Variants in MFAP3L observed in about 807,000 individuals in gnomAD.
MFAP3L encodes the protein microfibrillar-associated protein 3-like.
In MFAP3L, 5 loss-of-function variants were observed where a neutral mutation model predicts 20.0. The observed-to-expected ratio is 0.25, with a 90% CI of 0.13 to 0.53. The LOEUF (loss-of-function observed/expected upper bound fraction) is 0.53. Among genes scored for constraint, MFAP3L ranks in the 20% least tolerant of loss-of-function variants. The probability of loss-of-function intolerance (pLI) is 0.96; values close to 1 mark genes in which losing one functional copy is unlikely to be tolerated. For missense variants in MFAP3L, 409 were observed against 527.5 expected (o/e 0.78, Z 2.20); for synonymous variants, 219 against 213.0 (o/e 1.03, Z -0.25).
chr4:170,015,342 G>A (rs1739632155), intron 1 of MFAP3L, among the ~76,000 whole-genome samples: 1 of 152,116 alleles, frequency 6.6e-6, no homozygotes, highest in Non-Finnish European at 1.5e-5. Context: ...GACTGGGGTT[G>A]GAAAAGGGAA....
chr4:170,019,468 C>T (rs569990169), intron 1 of MFAP3L, among the ~76,000 whole-genome samples: 3 of 152,168 alleles, frequency 2.0e-5, no homozygotes, highest in Non-Finnish European at 4.4e-5. Context: ...CACCTGAGCC[C>T]AGGAGTTTGA....
chr4:170,012,836 C>T (rs1739467596), intron 1 of MFAP3L, among the ~76,000 whole-genome samples: 1 of 152,188 alleles, frequency 6.6e-6, no homozygotes, highest in Non-Finnish European at 1.5e-5. Flanking sequence ...CCCAGACTTG[C>T]TGGATTGCTG....
chr4:170,023,185 C>T (rs1740144225), intron 1 of MFAP3L, among the ~76,000 whole-genome samples: 1 of 152,170 alleles, frequency 6.6e-6, no homozygotes, highest in South Asian at 2.1e-4. Flanking sequence ...GTTCATTTCC[C>T]CGCCTCCTCA....
At position 170,024,851 on chromosome 4, in the gene MFAP3L, A is replaced by G. The variant is rs1224439378; in HGVS notation, c.-134+1383T>C. Among the ~76,000 whole-genome samples the G allele has an allele frequency of 5.3e-5, 8 of 152,202 alleles. 1 individual carries two copies. Among genetic ancestry groups the G allele is most frequent in the Admixed American group, 3.9e-4 (6 of 15,284 alleles). On this transcript the variant is annotated intron_variant, in intron 1 of 2. Coordinates refer to ENST00000361618, the MANE Select transcript of MFAP3L (RefSeq NM_021647.8). The stretch of plus-strand genomic sequence containing the variant: ...ATCTCAGGCTTGCAAGCAAGCACCA[A>G]CCTTAAAGCCTACCCACAACTCAAT...
chr4:169,992,533 AG>A lies in MFAP3L; in HGVS notation c.299-225del, dbSNP rs1033029472. Among the ~76,000 whole-genome samples, 15 of 152,364 alleles carry A rather than the reference AG, an allele frequency of 9.8e-5. No individual in the cohort carries two copies. The highest frequency in any genetic ancestry group is 2.1e-4 in the Non-Finnish European group (14 of 68,026). On this transcript the variant is annotated intron_variant, in intron 2 of 2. Coordinates refer to ENST00000361618, the MANE Select transcript of MFAP3L (RefSeq NM_021647.8). The surrounding 1 kb of genome is among the most constrained non-coding windows in gnomAD (Gnocchi z 4.3). The stretch of plus-strand genomic sequence containing the variant: ...GCCCCTGACACTGCCTCCGTTTTAC[AG>A]GATGAGGAAACTGAGGCACAGTCAG...
chr4:170,003,506 C>CTA (rs1738822377), intron 2 of MFAP3L, among the ~76,000 whole-genome samples: 1 of 152,130 alleles, frequency 6.6e-6, no homozygotes, highest in Non-Finnish European at 1.5e-5. Flanking sequence ...GCTAAGATAC[C>CTA]ACATATGTAT....
chr4:169,998,528 C>G (rs1312159960), intron 2 of MFAP3L, among the ~76,000 whole-genome samples: 1 of 152,162 alleles, frequency 6.6e-6, no homozygotes, highest in East Asian at 1.9e-4. Flanking sequence ...AACCTTAAAT[C>G]TTTCCAGGTT....
At position 169,992,157 on chromosome 4, in the gene MFAP3L, C is replaced by T. The variant is rs1737759569; in HGVS notation, c.451G>A (p.Val151Ile). 6.2e-7 allele frequency: 1 copy of T among 1,614,148 alleles called. No individual in the cohort carries two copies. The highest frequency in any genetic ancestry group is 8.5e-7 in the Non-Finnish European group (1 of 1,180,028). The stretch of plus-strand genomic sequence containing the variant: ...ACCAGGCACACGACCATGTAGTAGA[C>T]ACCCATGTCTCCAGAAGTGAAGATG... The part of the protein sequence containing the change: ...RVIFTSGDMG[V>I]YYMVVCLVAF... The change falls in exon 3 of 3, where the codon GTC (valine) becomes ATC (isoleucine). Residue 151 changes from valine to isoleucine, a missense_variant. This residue lies in a region of MFAP3L where 127 missense variants were observed against 218.1 expected (regional missense o/e 0.58). Transcript: ENST00000361618. The surrounding 1 kb of genome is among the most constrained non-coding windows in gnomAD (Gnocchi z 4.3).
chr4:170,005,675 C>T lies in MFAP3L; in HGVS notation c.203G>A (p.Cys68Tyr). The T allele has an allele frequency of 6.2e-7, 1 of 1,614,234 alleles. No individual in the cohort carries two copies. The highest frequency in any genetic ancestry group is 8.5e-7 in the Non-Finnish European group (1 of 1,180,032). The change falls in exon 2 of 3, where the codon TGT (cysteine) becomes TAT (tyrosine). Residue 68 changes from cysteine to tyrosine, a missense_variant. By Grantham distance (194) the Cys-to-Tyr change is radical (BLOSUM62 -2). Around this residue, in one of 3 missense-constraint regions of MFAP3L, gnomAD observed 113 missense variants for 131.1 expected, o/e 0.86. Coordinates refer to ENST00000361618, the MANE Select transcript of MFAP3L (RefSeq NM_021647.8). ...TGGGTCAGGGATGCCATAAACACTACAGTTAATCAAGGCACTGTTCCCTTC... is the reference window on the plus strand; with the variant it reads ...TGGGTCAGGGATGCCATAAACACTATAGTTAATCAAGGCACTGTTCCCTTC... ...VKEGNSALINCSVYGIPDPQF... is the reference protein window; with the variant it reads ...VKEGNSALINYSVYGIPDPQF...
At position 169,989,020 on chromosome 4, in the gene MFAP3L, G is replaced by A. The variant is rs1737470468; in HGVS notation, c.*2358C>T. ...GGGTGGAATGACAACTGAATAGGAT[G>A]GGGTAACATCCATACAGTATCACAA... On this transcript the variant is annotated 3_prime_UTR_variant, in exon 3 of 3. Transcript: ENST00000361618. 6.6e-6 allele frequency: 1 copy of A among 152,128 alleles called. No homozygotes were observed. The highest frequency in any genetic ancestry group is 2.4e-5 in the African/African-American group (1 of 41,414). 9.4% of individuals were successfully genotyped at this position (152,128 alleles called of 1,614,324 possible).
At chr4:170,002,200 C>T (rs1455198961) in intron 2 of MFAP3L, 1 of 985,174 alleles carries the variant, frequency 1.0e-6, no homozygotes, top group African/African-American at 1.7e-5. Context: ...GAGTGAGAGG[C>T]TCTTCAACAT....
chr4:169,991,705 A>C lies in MFAP3L; in HGVS notation c.903T>G (p.Ala301=). 4.3e-6 allele frequency: 7 copies of C among 1,614,200 alleles called. No homozygotes were observed. Among genetic ancestry groups the C allele is most frequent in the Non-Finnish European group, 3.4e-6 (4 of 1,180,044 alleles). The change falls in exon 3 of 3, where the codon GCT becomes GCG. Residue 301 remains alanine (A), a synonymous_variant. Coordinates refer to ENST00000361618, the MANE Select transcript of MFAP3L (RefSeq NM_021647.8). This position sits in a 1 kb window ranked among gnomAD's most constrained non-coding sequence, Gnocchi z 4.9. ...NSLKRSDSPA[A]DSDASSLHEQ... is the part of the protein sequence containing the mutation. Reference sequence around the variant, plus strand: ...CGTGCAGCGATGAGGCGTCCGAGTCAGCGGCAGGGGAGTCGCTCCGCTTCA... The same window carrying C: ...CGTGCAGCGATGAGGCGTCCGAGTCCGCGGCAGGGGAGTCGCTCCGCTTCA...
intron 1 of MFAP3L, among the ~76,000 whole-genome samples, chr4:170,013,857 CTCATCGTATTAATTGGG>C (rs1320395496): frequency 2.0e-5 from 3 of 152,180 alleles, no homozygotes; most frequent in African/African-American, 7.2e-5. Flanking sequence ...ACCACCATGG[CTCATCGTATTAATTGGG>C]TCATTCTTAA....
chr4:170,011,283 ATC>A (rs1471023357), intron 1 of MFAP3L, among the ~76,000 whole-genome samples: 1 of 152,168 alleles, frequency 6.6e-6, no homozygotes, highest in East Asian at 1.9e-4. Flanking sequence ...GGGCCAAGAA[ATC>A]TGTGGAAAAA....
chr4:170,026,244 C>T lies in MFAP3L; in HGVS notation c.-144G>A, dbSNP rs1301661485. ...GGGGCCCCCGCTAACCTGACACCGC[C>T]GCGCCACTCAGGTGGCCGCCGTGCA... On this transcript the variant is annotated 5_prime_UTR_variant, in exon 1 of 3. Coordinates refer to ENST00000361618, the MANE Select transcript of MFAP3L (RefSeq NM_021647.8). 2.2e-5 allele frequency: 22 copies of T among 984,578 alleles called. No individual in the cohort carries two copies. Among genetic ancestry groups the T allele is most frequent in the Non-Finnish European group, 2.7e-5 (22 of 829,744 alleles). 61.0% of individuals were successfully genotyped at this position (984,578 alleles called of 1,614,324 possible). A position where few individuals can be genotyped will look rare whatever the true frequency, so the allele number is the denominator to read the frequency against.
intron 1 of MFAP3L, among the ~76,000 whole-genome samples, chr4:170,012,691 TTTAA>T (rs1301698840): frequency 6.6e-6 from 1 of 152,254 alleles, no homozygotes; most frequent in Non-Finnish European, 1.5e-5. Context: ...AGCCTGTCTT[TTTAA>T]AGTAGTTGGC....
intron 1 of MFAP3L, among the ~76,000 whole-genome samples, chr4:170,015,621 GC>G (rs1739652575): frequency 6.6e-6 from 1 of 152,076 alleles, no homozygotes; most frequent in Admixed American, 6.5e-5. Context: ...GTATTAGGAC[GC>G]CCCCCATTCA....
chr4:169,992,122 G>A lies in MFAP3L; in HGVS notation c.486C>T (p.Thr162=). 1 of 1,614,146 alleles carries A rather than the reference G, an allele frequency of 6.2e-7. No individual in the cohort carries two copies. The highest frequency in any genetic ancestry group is 8.5e-7 in the Non-Finnish European group (1 of 1,180,024). The part of the protein sequence containing the change: ...YYMVVCLVAF[T]IVMVLNITRL... ...GGGTGATATTGAGGACCATGACGATGGTGAAGGCCACCAGGCACACGACCA... is the reference window on the plus strand; with the variant it reads ...GGGTGATATTGAGGACCATGACGATAGTGAAGGCCACCAGGCACACGACCA... The change falls in exon 3 of 3, where the codon ACC becomes ACT. Residue 162 remains threonine, a synonymous_variant. Transcript: ENST00000361618. This position sits in a 1 kb window ranked among gnomAD's most constrained non-coding sequence, Gnocchi z 4.3.
chr4:169,992,054 G>A lies in MFAP3L; in HGVS notation c.554C>T (p.Ala185Val), dbSNP rs200622205. 12 of 1,614,008 alleles carry A rather than the reference G, an allele frequency of 7.4e-6. No individual in the cohort carries two copies. The highest frequency in any genetic ancestry group is 1.3e-5 in the African/African-American group (1 of 74,890). ...MSSHLKKTEK[A>V]INEFFRTEGA... ...TTCGGTCCTAAAGAACTCATTGATG[G>A]CCTTCTCAGTCTTCTTTAGATGGCT... is the stretch of plus-strand genomic sequence containing the variant. The change falls in exon 3 of 3, where the codon GCC becomes GTC. Residue 185 changes from alanine (A) to valine (V), a missense_variant. Physicochemically the swap from Ala to Val is moderately conservative, Grantham distance 64 (BLOSUM62 0). Coordinates refer to ENST00000361618, the MANE Select transcript of MFAP3L (RefSeq NM_021647.8). The surrounding 1 kb of genome is among the most constrained non-coding windows in gnomAD (Gnocchi z 4.3).
Sources: gnomAD v4.1 joint callset for allele counts (sites outside exome capture counted in the v4.1 genomes callset) on GRCh38, gnomAD v4.1.1 for gene constraint, gnomAD v4.1.1 regional missense constraint, Gnocchi (gnomAD v3.1) non-coding constraint, MANE v1.5 for transcripts, NCBI Gene and HGNC (gene_info 2026-07-23, HGNC 2026-07-21) for gene names.